MAGI2: variants seen among roughly 807,000 people sequenced by gnomAD.
MAGI2 encodes the protein membrane associated guanylate kinase, WW and PDZ domain containing 2.
In MAGI2, 35 loss-of-function variants were observed where a neutral mutation model predicts 133.3. The observed-to-expected ratio is 0.26, with a 90% CI of 0.20 to 0.35. The LOEUF (loss-of-function observed/expected upper bound fraction) is 0.35. Among genes scored for constraint, MAGI2 ranks in the 10% least tolerant of loss-of-function variants. The pLI is 1.00. For synonymous variants in MAGI2, 729 were observed against 710.6 expected, an observed-to-expected ratio of 1.03 and a Z score of -0.41; for missense variants, 1,636 against 1,863.4, an observed-to-expected ratio of 0.88 and a Z score of 2.25.
intron 12 of MAGI2, among the ~76,000 whole-genome samples, chr7:78,193,563 A>T (rs1000676838): frequency 6.6e-6 from 1 of 151,804 alleles, no homozygotes; most frequent in African/African-American, 2.4e-5. Context: ...AATCTTTTCA[A>T]TTTTTTTTCA....
chr7:78,762,853 A>C (rs531530461), intron 2 of MAGI2, among the ~76,000 whole-genome samples: 1 of 152,362 alleles, frequency 6.6e-6, no homozygotes, highest in South Asian at 2.1e-4. Flanking sequence ...TCTTAGAAGA[A>C]AACATTCCAG....
At chr7:78,829,865 GC>G (rs1255687762) in intron 2 of MAGI2, among the ~76,000 whole-genome samples, 1 of 151,922 alleles carries the variant, frequency 6.6e-6, no homozygotes, top group African/African-American at 2.4e-5. Flanking sequence ...TGTTAACTGG[GC>G]TATGTCTCTA....
intron 2 of MAGI2, among the ~76,000 whole-genome samples, chr7:78,706,014 T>C (rs1818603394): frequency 6.6e-6 from 1 of 152,072 alleles, no homozygotes; most frequent in Admixed American, 6.6e-5. Flanking sequence ...AGAGTAGCTA[T>C]GTGATATTGA....
At chr7:79,027,493 T>C (rs1035395968) in intron 1 of MAGI2, among the ~76,000 whole-genome samples, 1 of 152,018 alleles carries the variant, frequency 6.6e-6, no homozygotes, top group Non-Finnish European at 1.5e-5. Context: ...GTATGTGAAA[T>C]CTAAAACTAC....
At chr7:78,240,813 T>A (rs765074583) in intron 10 of MAGI2, among the ~76,000 whole-genome samples, 9 of 152,184 alleles carry the variant, frequency 5.9e-5, no homozygotes, top group Non-Finnish European at 1.2e-4. Flanking sequence ...AATAATTATG[T>A]GAGATAATGC....
intron 20 of MAGI2, among the ~76,000 whole-genome samples, chr7:78,120,145 G>C (rs1437582556): frequency 6.6e-6 from 1 of 152,220 alleles, no homozygotes; most frequent in Non-Finnish European, 1.5e-5. Flanking sequence ...GCTCATGCCT[G>C]TAATCCCAGC....
intron 2 of MAGI2, among the ~76,000 whole-genome samples, chr7:78,917,091 T>G (rs543326781): frequency 6.6e-6 from 1 of 152,192 alleles, no homozygotes; most frequent in Non-Finnish European, 1.5e-5. Context: ...TAGTGATCAG[T>G]TACACACCGC....
At chr7:79,025,569 G>A (rs993753636) in intron 1 of MAGI2, among the ~76,000 whole-genome samples, 3 of 152,166 alleles carry the variant, frequency 2.0e-5, no homozygotes, top group Non-Finnish European at 4.4e-5. Context: ...ATTTGTTAGT[G>A]AAGCAGCTGG....
At chr7:78,998,903 A>G (rs1443459819) in intron 2 of MAGI2, among the ~76,000 whole-genome samples, 1 of 152,046 alleles carries the variant, frequency 6.6e-6, no homozygotes, top group African/African-American at 2.4e-5. Flanking sequence ...AGATGTGTTG[A>G]CCTTCTTACG....
intron 2 of MAGI2, among the ~76,000 whole-genome samples, chr7:78,825,387 AAT>A (rs1790533349): frequency 6.6e-6 from 1 of 152,168 alleles, no homozygotes; most frequent in South Asian, 2.1e-4. Flanking sequence ...TAGCATTATA[AAT>A]ATATGTTACT....
At chr7:79,192,761 G>A (rs969014079) in intron 1 of MAGI2, among the ~76,000 whole-genome samples, 2 of 151,876 alleles carry the variant, frequency 1.3e-5, no homozygotes, top group African/African-American at 4.8e-5. Context: ...CCACAGTGAA[G>A]AGTTTGGATT....
chr7:78,140,257 AG>A, intron 16 of MAGI2, among the ~76,000 whole-genome samples: 1 of 152,336 alleles, frequency 6.6e-6, no homozygotes, highest in East Asian at 1.9e-4. Context: ...TCCTAAGGGA[AG>A]GGATTATTAG....
intron 9 of MAGI2, among the ~76,000 whole-genome samples, chr7:78,270,669 C>T (rs553824695): frequency 1.3e-4 from 20 of 152,072 alleles, no homozygotes; most frequent in South Asian, 6.3e-4. Context: ...GGGGCTGAGA[C>T]GATGGGGTTT....
chr7:78,020,579 A>C (rs1324651958), intron 21 of MAGI2, among the ~76,000 whole-genome samples: 1 of 152,180 alleles, frequency 6.6e-6, no homozygotes, highest in Non-Finnish European at 1.5e-5. Context: ...GCTCAAAAAA[A>C]AAAGGTCCAT....
intron 10 of MAGI2, among the ~76,000 whole-genome samples, chr7:78,222,854 C>T (rs1788970121): frequency 6.6e-6 from 1 of 152,148 alleles, no homozygotes; most frequent in Non-Finnish European, 1.5e-5. Context: ...GGATATTTCT[C>T]AAGCCAAAAG....
At chr7:78,327,499 C>T (rs1196650890) in intron 9 of MAGI2, among the ~76,000 whole-genome samples, 5 of 152,092 alleles carry the variant, frequency 3.3e-5, no homozygotes, top group Non-Finnish European at 7.4e-5. Flanking sequence ...GTTGTGTTAC[C>T]TCTCAAACAC....
At chr7:78,065,734 T>A in intron 21 of MAGI2, 1 of 555,456 alleles carries the variant, frequency 1.8e-6, no homozygotes, top group South Asian at 2.7e-5. Context: ...GATATATTAT[T>A]ACTGTTAGAA....
rs549517683 is a variant in MAGI2, at chr7:78,632,757, G to A, written c.419-5518C>T. 1.8e-4 allele frequency among the ~76,000 whole-genome samples: 28 copies of A among 152,194 alleles called. No individual in the cohort carries two copies. The East Asian group carries it at 4.8e-3, about 26-fold the overall frequency. On this transcript the variant is annotated intron_variant, in intron 2 of 21. Transcript: ENST00000354212. ...CTCATTTTTAAAAGAAGAAAATGACGAGGTTGTGGGAAAAGGGAACACTTA... is the reference window on the plus strand; with the variant it reads ...CTCATTTTTAAAAGAAGAAAATGACAAGGTTGTGGGAAAAGGGAACACTTA...
intron 1 of MAGI2, among the ~76,000 whole-genome samples, chr7:79,449,643 TA>T (rs1849098928): frequency 6.6e-6 from 1 of 152,006 alleles, no homozygotes. Context: ...GAATTACTGC[TA>T]ATTTAGAATT....
Sources: allele counts gnomAD v4.1 joint callset (sites outside exome capture counted in the v4.1 genomes callset), GRCh38; gene constraint gnomAD v4.1.1; transcripts MANE v1.5; gene names NCBI Gene and HGNC (gene_info 2026-07-23, HGNC 2026-07-21).